ITGA11: variants seen among roughly 807,000 people sequenced by gnomAD.
ITGA11 encodes integrin subunit alpha 11.
Under a neutral mutation model 141.9 loss-of-function variants are expected in ITGA11, and 97 were observed. The observed-to-expected ratio is 0.68, with a 90% CI of 0.58 to 0.81. The LOEUF (loss-of-function observed/expected upper bound fraction) is 0.81, where lower values mean the gene tolerates loss of function less well. Ranked by LOEUF, ITGA11 falls within the 30% of genes least tolerant of loss-of-function variation. The probability of loss-of-function intolerance (pLI) is 0.00; values close to 1 mark genes in which losing one functional copy is unlikely to be tolerated. For synonymous variants in ITGA11, 658 were observed against 624.6 expected, an observed-to-expected ratio of 1.05 and a Z score of -0.80; for missense variants, 1,387 against 1,559.2, an observed-to-expected ratio of 0.89 and a Z score of 1.86.
intron 28 of ITGA11, among the ~76,000 whole-genome samples, chr15:68,306,335 GA>G: frequency 6.6e-6 from 1 of 152,020 alleles, no homozygotes. Flanking sequence ...CTGTGTGTGT[GA>G]GCAGGGTATG....
At chr15:68,318,193 A>C (rs1423043096) in intron 20 of ITGA11, among the ~76,000 whole-genome samples, 1 of 151,954 alleles carries the variant, frequency 6.6e-6, no homozygotes, top group Non-Finnish European at 1.5e-5. Context: ...CTCCAGGCTA[A>C]CTCTGCACCC....
At chr15:68,385,572 G>A (rs1312088668) in intron 2 of ITGA11, among the ~76,000 whole-genome samples, 1 of 152,374 alleles carries the variant, frequency 6.6e-6, no homozygotes, top group South Asian at 2.1e-4. Flanking sequence ...TAAACCCACT[G>A]TAAAAGGATG....
intron 10 of ITGA11, among the ~76,000 whole-genome samples, chr15:68,342,100 T>C (rs898658363): frequency 6.6e-6 from 1 of 152,198 alleles, no homozygotes; most frequent in African/African-American, 2.4e-5. Context: ...TCACAATCTC[T>C]TCCCAGCTGG....
In ITGA11 at chr15:68,320,391, C is replaced by T. The variant is rs1039805183; in HGVS notation, c.2410G>A (p.Glu804Lys). 2.5e-6 allele frequency: 4 copies of T among 1,582,140 alleles called. No individual in the cohort carries two copies. Among genetic ancestry groups the T allele is most frequent in the Admixed American group, 3.7e-5 (2 of 54,480 alleles). ...DARSDLPTAM[E>K]YCQRVLRKPA... ...TTCCTCAGCACCCTCTGGCAGTACT[C>T]CCTGAGAACAAGAGACCACCAGAGA... The change falls in exon 20 of 30, where the codon GAG becomes AAG. Residue 804 changes from glutamate to lysine, a missense_variant and splice_region_variant. By Grantham distance (56) the Glu-to-Lys change is moderately conservative. Transcript: ENST00000315757.
At chr15:68,383,219 C>T (rs1046885339) in intron 2 of ITGA11, among the ~76,000 whole-genome samples, 3 of 151,028 alleles carry the variant, frequency 2.0e-5, no homozygotes, top group Non-Finnish European at 4.4e-5. Context: ...TACAGTGAGC[C>T]GAGATCATGC....
chr15:68,358,790 G>A (rs1334824052), intron 5 of ITGA11, among the ~76,000 whole-genome samples: 1 of 152,238 alleles, frequency 6.6e-6, no homozygotes, highest in East Asian at 1.9e-4. Context: ...CCACTCTGCT[G>A]GCTGTTTGAA....
chr15:68,348,785 C>G, intron 10 of ITGA11, 45 bp downstream of exon 10: 1 of 1,537,656 alleles, frequency 6.5e-7, no homozygotes, highest in Non-Finnish European at 8.9e-7. Flanking sequence ...AGCATGCCCT[C>G]GAGAGACAGA....
chr15:68,336,692 G>C (rs1454893812), intron 11 of ITGA11, among the ~76,000 whole-genome samples: 1 of 152,240 alleles, frequency 6.6e-6, no homozygotes, highest in Non-Finnish European at 1.5e-5. Context: ...TTGGATCCCA[G>C]ATTTTAGATG....
rs1893392299 is a variant in ITGA11, at chr15:68,311,684, C to T, written c.2974-281G>A. ...TCCTGAGGCCGGAGAGCAGGGGCCA[C>T]CTGCATTTTCAACTCTTCTTGCCTG... On this transcript the variant is annotated intron_variant, in intron 24 of 29. Coordinates refer to ENST00000315757, the MANE Select transcript of ITGA11 (RefSeq NM_001004439.2). 2.0e-5 allele frequency among the ~76,000 whole-genome samples: 3 copies of T among 152,106 alleles called. No individual in the cohort carries two copies. The South Asian group carries it at 6.2e-4, about 32-fold the overall frequency.
chr15:68,388,538 C>T (rs932281197), intron 2 of ITGA11, among the ~76,000 whole-genome samples: 1 of 152,128 alleles, frequency 6.6e-6, no homozygotes, highest in African/African-American at 2.4e-5. Context: ...TTTTGCCCCT[C>T]CAGAAGAAAA....
intron 2 of ITGA11, among the ~76,000 whole-genome samples, chr15:68,387,883 T>C (rs948794918): frequency 6.6e-6 from 1 of 152,124 alleles, no homozygotes; most frequent in African/African-American, 2.4e-5. Context: ...CTTCTCTTTC[T>C]CCTTCCTCCT....
At chr15:68,349,839 T>C (rs959652693) in intron 9 of ITGA11, among the ~76,000 whole-genome samples, 2 of 152,170 alleles carry the variant, frequency 1.3e-5, no homozygotes, top group Non-Finnish European at 2.9e-5. Context: ...AGTTGGCATA[T>C]AGGGATTAAG....
chr15:68,379,371 G>A (rs752449100), intron 2 of ITGA11, among the ~76,000 whole-genome samples: 28 of 152,288 alleles, frequency 1.8e-4, no homozygotes, highest in Middle Eastern at 3.4e-3. Flanking sequence ...TAATTTGCCT[G>A]TAGATAGCAG....
chr15:68,343,635 A>T (rs1406731355), intron 10 of ITGA11, among the ~76,000 whole-genome samples: 1 of 152,048 alleles, frequency 6.6e-6, no homozygotes, highest in Non-Finnish European at 1.5e-5. Context: ...GGCTGGTGTG[A>T]TGGGAGACCC....
At chr15:68,387,280 C>T (rs1191575977) in intron 2 of ITGA11, among the ~76,000 whole-genome samples, 3 of 151,680 alleles carry the variant, frequency 2.0e-5, no homozygotes, top group Admixed American at 6.6e-5. Context: ...CTGGGCTCTC[C>T]CTGGCCCCAC....
At chr15:68,364,457 G>T (rs980659229) in intron 4 of ITGA11, among the ~76,000 whole-genome samples, 7 of 152,196 alleles carry the variant, frequency 4.6e-5, no homozygotes, top group African/African-American at 1.7e-4. Flanking sequence ...GCACACAAAA[G>T]GGCTCAATTG....
In ITGA11 at chr15:68,333,161, G is replaced by T. The variant is rs1287155022; in HGVS notation, c.1426-683C>A. On this transcript the variant is annotated intron_variant, in intron 12 of 29. Transcript: ENST00000315757. The surrounding 1 kb of genome is among the most constrained non-coding windows in gnomAD (Gnocchi z 4.2). ...ATCACCCAGACTGGAGTGCAATGGTGCAATCTTGGCTCACTGTAGCCTCAA... is the reference window on the plus strand; with the variant it reads ...ATCACCCAGACTGGAGTGCAATGGTTCAATCTTGGCTCACTGTAGCCTCAA... 6.6e-6 allele frequency among the ~76,000 whole-genome samples: 1 copy of T among 151,666 alleles called. No homozygotes were observed. Among genetic ancestry groups the T allele is most frequent in the Non-Finnish European group, 1.5e-5 (1 of 67,952 alleles).
chr15:68,350,676 T>C lies in ITGA11; in HGVS notation c.1001A>G (p.Asp334Gly), dbSNP rs746531744. 6 of 1,613,858 alleles carry C rather than the reference T, an allele frequency of 3.7e-6. No homozygotes were observed. The South Asian group carries it at 6.6e-5, about 18-fold the overall frequency. The change falls in exon 9 of 30, where the codon GAT becomes GGT. Residue 334 changes from aspartate (D) to glycine (G), a missense_variant. Transcript: ENST00000315757. ...GACAATGTCCTTCAAGGCAGCCTCA[T>C]CAGTGACATTGAAGAAGTGCTTGTC... ...PDDKHFFNVTDEAALKDIVDA... is the reference protein window; with the variant it reads ...PDDKHFFNVTGEAALKDIVDA...
At chr15:68,311,797 A>G (rs962955413) in intron 24 of ITGA11, among the ~76,000 whole-genome samples, 1 of 152,164 alleles carries the variant, frequency 6.6e-6, no homozygotes, top group Non-Finnish European at 1.5e-5. Flanking sequence ...CAATTAATTT[A>G]ATTAATTAAA....
Sources: gnomAD v4.1 joint callset for allele counts (sites outside exome capture counted in the v4.1 genomes callset) on GRCh38, gnomAD v4.1.1 for gene constraint, Gnocchi (gnomAD v3.1) non-coding constraint, MANE v1.5 for transcripts, NCBI Gene and HGNC (gene_info 2026-07-23, HGNC 2026-07-21) for gene names.